PGM1: variants seen among roughly 807,000 people sequenced by gnomAD.
The protein encoded by PGM1 is phosphoglucomutase-1.
PGM1 carries 52 observed loss-of-function variants against 55.6 expected under a neutral mutation model. The observed-to-expected ratio is 0.94, with a 90% CI of 0.75 to 1.18. The LOEUF is 1.18. Ranked by LOEUF, PGM1 falls within the 50% of genes most tolerant of loss-of-function variation. The pLI, the probability that PGM1 is intolerant of heterozygous loss-of-function variation, is 0.00. For synonymous variants in PGM1, 287 were observed against 271.7 expected (o/e 1.06, Z -0.55); for missense variants, 724 against 729.3 (o/e 0.99, Z 0.08).
At chr1:63,602,420 C>G (rs1648269626) in intron 1 of PGM1, among the ~76,000 whole-genome samples, 1 of 152,180 alleles carries the variant, frequency 6.6e-6, no homozygotes, top group Admixed American at 6.5e-5. Flanking sequence ...GTTTTAATAT[C>G]CATGTATACC....
rs560868728 is a variant in PGM1 at position 63,648,290 on chromosome 1, A to C, written c.1145-227A>C. Among the ~76,000 whole-genome samples, 4 of 152,262 alleles carry C rather than the reference A, an allele frequency of 2.6e-5. No homozygotes were observed. In the South Asian group the frequency reaches 8.3e-4, roughly 32 times the overall value. ...CATGGCTGCAGGAGAGAGAGAGTGA[A>C]GGGGGAAGTGCTATATACTTTTAAA... On this transcript the variant is annotated intron_variant, in intron 7 of 10. Coordinates refer to ENST00000371084, the MANE Select transcript of PGM1 (RefSeq NM_002633.3).
At chr1:63,616,974 G>C (rs1241687880) in intron 1 of PGM1, among the ~76,000 whole-genome samples, 2 of 152,174 alleles carry the variant, frequency 1.3e-5, no homozygotes, top group Non-Finnish European at 2.9e-5. Context: ...CTTACGCAGG[G>C]CTTGCAAAGC....
At chr1:63,596,254 C>CTTTTT (rs531673796) in intron 1 of PGM1, among the ~76,000 whole-genome samples, 72 of 111,314 alleles carry the variant, frequency 6.5e-4, no homozygotes, top group South Asian at 9.5e-4. Flanking sequence ...TTTTCTTCTT[C>CTTTTT]TTTTTTTTTT....
Position 63,629,554 on chromosome 1 carries a change from G to C in PGM1, c.376G>C (p.Asp126His). ...TCACAACCCAGGGGGCCCCAATGGA[G>C]ATTTTGGAATCAAATTCAATATTTC... ...ASHNPGGPNG[D>H]FGIKFNISNG... The change falls in exon 2 of 11, where the codon GAT (aspartate) becomes CAT (histidine). Residue 126 changes from aspartate to histidine, a missense_variant. By Grantham distance (81) the Asp-to-His change is moderately conservative (BLOSUM62 -1). Coordinates refer to ENST00000371084, the MANE Select transcript of PGM1 (RefSeq NM_002633.3). 1.2e-6 allele frequency: 2 copies of C among 1,613,888 alleles called. No individual in the cohort carries two copies. Among genetic ancestry groups the C allele is most frequent in the Non-Finnish European group, 1.7e-6 (2 of 1,179,834 alleles).
chr1:63,627,070 C>A (rs958953347), intron 1 of PGM1, among the ~76,000 whole-genome samples: 1 of 124,354 alleles, frequency 8.0e-6, no homozygotes, highest in Non-Finnish European at 1.7e-5. Context: ...CCCCCCCACA[C>A]ACACACACAC....
chr1:63,652,667 A>G (rs549195260), intron 9 of PGM1, among the ~76,000 whole-genome samples: 59 of 152,196 alleles, frequency 3.9e-4, no homozygotes, highest in African/African-American at 9.9e-4. Context: ...CTTTTTTCCA[A>G]TTGACCCAGA....
At chr1:63,610,896 A>G (rs1443662115) in intron 1 of PGM1, among the ~76,000 whole-genome samples, 1 of 152,182 alleles carries the variant, frequency 6.6e-6, no homozygotes, top group East Asian at 1.9e-4. Context: ...GATCCTGAGT[A>G]GCTTAAGTAC....
At chr1:63,632,497 C>G (rs1023696289) in intron 4 of PGM1, among the ~76,000 whole-genome samples, 4 of 152,194 alleles carry the variant, frequency 2.6e-5, no homozygotes, top group African/African-American at 9.6e-5. Context: ...GAACTAAAAC[C>G]TTCCATCCTT....
chr1:63,615,550 C>CTTTTTTTTTTTTTTTTTTTTT (rs1161161385), intron 1 of PGM1, among the ~76,000 whole-genome samples: 4 of 62,986 alleles, frequency 6.4e-5, no homozygotes, highest in African/African-American at 2.7e-4. Context: ...TCTTCTTCTT[C>CTTTTTTTTTTTTTTTTTTTTT]TTTTTTTTTT....
intron 8 of PGM1, chr1:63,651,458 A>C (rs918882997): frequency 5.3e-6 from 3 of 566,532 alleles, no homozygotes; most frequent in Non-Finnish European, 6.3e-6. Context: ...AGAAGCTCAT[A>C]ACCCTTCCCT....
At position 63,623,338 on chromosome 1, in the gene PGM1, T is replaced by G. The variant is rs72920860; in HGVS notation, c.247-6087T>G. ...CTTTCTCATTGAGAGTGATCGTCCA[T>G]GCAAACCCTCTATTTTAGTTACTCA... On this transcript the variant is annotated intron_variant, in intron 1 of 10. Transcript: ENST00000371084. 13,398 of 1,507,956 alleles carry G rather than the reference T, an allele frequency of 8.9e-3. 941 individuals are homozygous for G. In the African/African-American group the frequency reaches 0.15, roughly 17 times the overall value. The allele number at this position is 1,507,956 out of a possible 1,614,324, so 93.4% of individuals were successfully genotyped here. A position where few individuals can be genotyped will look rare whatever the true frequency, so the allele number is the denominator to read the frequency against.
At chr1:63,593,762 G>C (rs764848483) in intron 1 of PGM1, 28 bp downstream of exon 1, 1 of 1,566,046 alleles carries the variant, frequency 6.4e-7, no homozygotes, top group South Asian at 1.2e-5. Context: ...CCGCGCCGCT[G>C]TGCACCCTGG....
At position 63,595,724 on chromosome 1, in the gene PGM1, A is replaced by C. The variant is rs546562810; in HGVS notation, c.246+1990A>C. On this transcript the variant is annotated intron_variant, in intron 1 of 10. Coordinates refer to ENST00000371084, the MANE Select transcript of PGM1 (RefSeq NM_002633.3). ...TCAGAGAAATGTGTGGACTAAAAGG[A>C]TGATGCAGACCCAAGAGTTGTCCTT... Among the ~76,000 whole-genome samples, 23 of 152,314 alleles carry C rather than the reference A, an allele frequency of 1.5e-4. No individual in the cohort carries two copies. In the South Asian group the frequency reaches 4.6e-3, roughly 30 times the overall value.
At chr1:63,633,866 CTGTGTGTGTGTGTG>C (rs58094821) in intron 4 of PGM1, among the ~76,000 whole-genome samples, 12,787 of 73,712 alleles carry the variant, frequency 0.17, 1,550 homozygotes, top group Middle Eastern at 0.21. Context: ...GTCTGTGTCT[CTGTGTGTGTGTGTG>C]TGTGTGTGTG....
chr1:63,633,932 A>ATT lies in PGM1; in HGVS notation c.683-869_683-868dup, dbSNP rs60609353. On this transcript the variant is annotated intron_variant, in intron 4 of 10. Transcript: ENST00000371084. ...TGTGTGTGTGTGTATATATATATAT[A>ATT]TTTTTTTTTTTTTTTTTTTTTTTTT... 2.4e-3 allele frequency among the ~76,000 whole-genome samples: 84 copies of ATT among 35,278 alleles called. 9 individuals are homozygous for ATT. Among genetic ancestry groups the ATT allele is most frequent in the African/African-American group, 8.4e-3 (51 of 6,076 alleles). The allele number at this position is 35,278 out of a possible 152,430, so 23.1% of individuals were successfully genotyped here. A position where few individuals can be genotyped will look rare whatever the true frequency, so the allele number is the denominator to read the frequency against.
intron 1 of PGM1, among the ~76,000 whole-genome samples, chr1:63,598,908 A>T (rs1425729788): frequency 6.6e-6 from 1 of 152,224 alleles, no homozygotes; most frequent in Non-Finnish European, 1.5e-5. Context: ...CTTATAGTGG[A>T]GGAACTCCAC....
chr1:63,647,673 G>T (rs776071299), intron 7 of PGM1, among the ~76,000 whole-genome samples: 1 of 152,066 alleles, frequency 6.6e-6, no homozygotes, highest in Admixed American at 6.5e-5. Context: ...TTATCCAAAC[G>T]CCATTTAAAA....
At chr1:63,656,358 G>T (rs1649966107) in intron 10 of PGM1, among the ~76,000 whole-genome samples, 1 of 152,134 alleles carries the variant, frequency 6.6e-6, no homozygotes, top group Non-Finnish European at 1.5e-5. Context: ...AGCTATTTTG[G>T]AATAACCAAA....
intron 7 of PGM1, among the ~76,000 whole-genome samples, chr1:63,641,580 G>A (rs1321718068): frequency 6.6e-6 from 1 of 152,162 alleles, no homozygotes; most frequent in East Asian, 1.9e-4. Flanking sequence ...CTTTATTTCT[G>A]TATTTTTCCA....
Sources: gnomAD v4.1 joint callset for allele counts (sites outside exome capture counted in the v4.1 genomes callset) on GRCh38, gnomAD v4.1.1 for gene constraint, MANE v1.5 for transcripts, NCBI Gene and HGNC (gene_info 2026-07-23, HGNC 2026-07-21) for gene names.